TMEM245: variants seen among roughly 807,000 people sequenced by gnomAD.
TMEM245 encodes the protein protein CG-2.
In TMEM245, 69 loss-of-function variants were observed where a neutral mutation model predicts 101.2. The observed-to-expected ratio is 0.68, with a 90% CI of 0.56 to 0.83. The LOEUF (loss-of-function observed/expected upper bound fraction) is 0.83. Ranked by LOEUF, TMEM245 falls within the 40% of genes least tolerant of loss-of-function variation. TMEM245 has a pLI of 0.00. For synonymous variants in TMEM245, 537 were observed against 449.8 expected, an observed-to-expected ratio of 1.19 and a Z score of -2.45; for missense variants, 1,075 against 1,092.8, an observed-to-expected ratio of 0.98 and a Z score of 0.23.
At chr9:109,096,719 C>G (rs1296414992) in intron 3 of TMEM245, among the ~76,000 whole-genome samples, 1 of 152,198 alleles carries the variant, frequency 6.6e-6, no homozygotes, top group Non-Finnish European at 1.5e-5. Context: ...TAAGAATTCT[C>G]TCTTACATAA....
At chr9:109,108,645 G>T in intron 1 of TMEM245, 75 bp from the exon 2 acceptor site, 1 of 1,086,260 alleles carries the variant, frequency 9.2e-7, no homozygotes, top group Non-Finnish European at 1.4e-6. Context: ...AAATCTGTAA[G>T]TGTCTATACA....
rs67093439 is a variant in TMEM245, at chr9:109,051,295, A to AACACACACACACAC, written c.1855-617_1855-604dup. Among the ~76,000 whole-genome samples, 466 of 135,220 alleles carry AACACACACACACAC rather than the reference A, an allele frequency of 3.4e-3. 5 individuals carry two copies. Among genetic ancestry groups the AACACACACACACAC allele is most frequent in the African/African-American group, 0.011 (398 of 34,816 alleles). The allele number at this position is 135,220 out of a possible 152,430, so 88.7% of individuals were successfully genotyped here. A position where few individuals can be genotyped will look rare whatever the true frequency, so the allele number is the denominator to read the frequency against. ...CAGCAAGAGCAAAACTCTGTCTCAA[A>AACACACACACACAC]ACACACACACACACACACACACACA... On this transcript the variant is annotated intron_variant, in intron 12 of 17. Transcript: ENST00000374586.
At chr9:109,061,211 G>C (rs1052567175) in intron 10 of TMEM245, among the ~76,000 whole-genome samples, 13 of 152,068 alleles carry the variant, frequency 8.5e-5, no homozygotes, top group African/African-American at 3.1e-4. Context: ...AGCTACTCAG[G>C]AGACTGAGAT....
intron 10 of TMEM245, among the ~76,000 whole-genome samples, chr9:109,061,951 A>T (rs972702212): frequency 2.0e-5 from 3 of 152,130 alleles, no homozygotes; most frequent in African/African-American, 7.2e-5. Context: ...ATGGATGTTC[A>T]TTGCAGGGTT....
intron 1 of TMEM245, among the ~76,000 whole-genome samples, chr9:109,114,762 C>A (rs556456157): frequency 6.6e-6 from 1 of 152,186 alleles, no homozygotes; most frequent in Non-Finnish European, 1.5e-5. Context: ...GAGCAGGGCA[C>A]GCCATCAGCT....
Position 109,119,870 on chromosome 9 carries a change from C to G in TMEM245, c.44G>C (p.Ser15Thr). ...GGPKDAPSLRSSPGPAPRVPR... is the reference protein window; with the variant it reads ...GGPKDAPSLRTSPGPAPRVPR... The stretch of plus-strand genomic sequence containing the variant: ...GACCCGCGGCGCCGGCCCGGGAGAG[C>G]TCCGCAGGCTTGGCGCGTCCTTAGG... Residue 15 changes from serine (S) to threonine (T), a missense_variant, in exon 1 of 18, where the codon AGC (serine) becomes ACC (threonine). Ser to Thr is a moderately conservative substitution (Grantham distance 58). Transcript: ENST00000374586. 2 of 1,315,598 alleles carry G rather than the reference C, an allele frequency of 1.5e-6. No individual in the cohort carries two copies. Among genetic ancestry groups the G allele is most frequent in the Non-Finnish European group, 1.9e-6 (2 of 1,041,722 alleles). 81.5% of individuals were successfully genotyped at this position (1,315,598 alleles called of 1,614,324 possible).
rs1830835377 is a variant in TMEM245 at position 109,119,486 on chromosome 9, AGCGCC to A, written c.423_427del (p.Gln141HisfsTer72). On this transcript the variant is annotated frameshift_variant, in exon 1 of 18. Coordinates refer to ENST00000374586, the MANE Select transcript of TMEM245 (RefSeq NM_032012.4). LOFTEE classifies it high-confidence loss of function. The stretch of plus-strand genomic sequence containing the variant: ...CAGCAGGAGCAGGCGGCGGCGGCGC[AGCGCC>A]TGCTCGCCCAGGGCCTCGACGCCGT... The A allele has an allele frequency of 6.7e-7, 1 of 1,488,778 alleles. No individual in the cohort carries two copies. Among genetic ancestry groups the A allele is most frequent in the African/African-American group, 1.5e-5 (1 of 68,012 alleles). The allele number at this position is 1,488,778 out of a possible 1,614,324, so 92.2% of individuals were successfully genotyped here.
At chr9:109,049,933 G>A (rs987051614) in intron 14 of TMEM245, among the ~76,000 whole-genome samples, 2 of 152,164 alleles carry the variant, frequency 1.3e-5, no homozygotes, top group Non-Finnish European at 2.9e-5. Flanking sequence ...GGGGTTACAG[G>A]TGCATGCCAC....
intron 16 of TMEM245, among the ~76,000 whole-genome samples, chr9:109,035,490 C>T (rs2132320322): frequency 6.6e-6 from 1 of 152,274 alleles, no homozygotes; most frequent in East Asian, 1.9e-4. Flanking sequence ...CTGTATTTAT[C>T]ATAGAACCAT....
At chr9:109,068,229 G>A (rs1454994130) in intron 9 of TMEM245, among the ~76,000 whole-genome samples, 2 of 152,004 alleles carry the variant, frequency 1.3e-5, no homozygotes, top group African/African-American at 4.8e-5. Flanking sequence ...AATTAGCCGG[G>A]CGTGGTGGCA....
At chr9:109,038,195 G>T in intron 14 of TMEM245, 78 bp from the exon 15 acceptor site, 1 of 1,072,380 alleles carries the variant, frequency 9.3e-7, no homozygotes, top group Non-Finnish European at 1.4e-6. Context: ...GTGACCACTT[G>T]ATTCCAAATC....
chr9:109,113,613 G>A (rs776104208), intron 1 of TMEM245, among the ~76,000 whole-genome samples: 6 of 152,150 alleles, frequency 3.9e-5, no homozygotes, highest in Non-Finnish European at 7.3e-5. Flanking sequence ...CATTTCACAC[G>A]ATTATCCACA....
chr9:109,035,991 CA>C (rs59613050), intron 16 of TMEM245: 97,803 of 130,152 alleles, frequency 0.75, 35,487 homozygotes, highest in Admixed American at 0.84. Context: ...CAACAACAAC[CA>C]AAAAAAAAAA....
chr9:109,019,933 A>G lies in TMEM245; in HGVS notation c.*527T>C, dbSNP rs1017017165. The G allele has an allele frequency of 6.6e-6, 1 of 152,362 alleles. No individual in the cohort carries two copies. Among genetic ancestry groups the G allele is most frequent in the Non-Finnish European group, 1.5e-5 (1 of 68,164 alleles). The allele number at this position is 152,362 out of a possible 1,614,324, so 9.4% of individuals were successfully genotyped here. A position where few individuals can be genotyped will look rare whatever the true frequency, so the allele number is the denominator to read the frequency against. The stretch of plus-strand genomic sequence containing the variant: ...ACTTATGATTTATTATTTCTTAAAG[A>G]GCGTATAATACATTGTGGGAGAAGG... On this transcript the variant is annotated 3_prime_UTR_variant, in exon 18 of 18. Transcript: ENST00000374586.
At chr9:109,070,967 C>T (rs893519416) in intron 9 of TMEM245, among the ~76,000 whole-genome samples, 2 of 152,134 alleles carry the variant, frequency 1.3e-5, no homozygotes, top group East Asian at 1.9e-4. Flanking sequence ...CTGCAACCTC[C>T]GTCTCCCGAG....
At chr9:109,062,330 T>C (rs956614700) in intron 10 of TMEM245, among the ~76,000 whole-genome samples, 5 of 152,214 alleles carry the variant, frequency 3.3e-5, no homozygotes, top group African/African-American at 7.2e-5. Context: ...TTGCTATGCA[T>C]TGGTAAACTG....
At chr9:109,106,481 G>T in intron 3 of TMEM245, 27 bp downstream of exon 3, 3 of 1,475,686 alleles carry the variant, frequency 2.0e-6, no homozygotes, top group Non-Finnish European at 1.9e-6. Context: ...TCAAAGAGTA[G>T]TATTAATAGA....
chr9:109,064,651 C>T lies in TMEM245; in HGVS notation c.1533-84G>A, dbSNP rs1012392100. ...ATGCTTTGAACTTGATATGCTTAAT[C>T]CATAACAGACAGACTGTTGATCATT... is the stretch of plus-strand genomic sequence containing the variant. On this transcript the variant is annotated intron_variant, in intron 9 of 17. Transcript: ENST00000374586. The T allele has an allele frequency of 4.6e-6, 5 of 1,085,634 alleles. No homozygotes were observed. The African/African-American group carries it at 6.2e-5, about 14-fold the overall frequency. The allele number at this position is 1,085,634 out of a possible 1,614,324, so 67.3% of individuals were successfully genotyped here.
intron 15 of TMEM245, among the ~76,000 whole-genome samples, chr9:109,037,051 T>C (rs940857489): frequency 2.0e-5 from 3 of 152,080 alleles, no homozygotes; most frequent in Admixed American, 6.5e-5. Flanking sequence ...GTGAATGAAC[T>C]TGACAATGTA....
Sources: allele counts gnomAD v4.1 joint callset (sites outside exome capture counted in the v4.1 genomes callset), GRCh38; gene constraint gnomAD v4.1.1; transcripts MANE v1.5; gene names NCBI Gene and HGNC (gene_info 2026-07-23, HGNC 2026-07-21).